Variants in MPP4 observed in about 807,000 individuals in gnomAD.
MPP4 encodes MAGUK p55 subfamily member 4.
In MPP4, 91 loss-of-function variants were observed where a neutral mutation model predicts 98.3. That is an observed-to-expected ratio of 0.93 (90% CI 0.78 to 1.10). The LOEUF (loss-of-function observed/expected upper bound fraction) is 1.10, where lower values mean the gene tolerates loss of function less well. MPP4 is among the 50% of genes least tolerant of loss of function. The pLI, the probability that MPP4 is intolerant of heterozygous loss-of-function variation, is 0.00. For missense variants in MPP4, 744 were observed against 792.9 expected, an observed-to-expected ratio of 0.94 and a Z score of 0.74; for synonymous variants, 261 against 271.8, an observed-to-expected ratio of 0.96 and a Z score of 0.39.
intron 16 of MPP4, among the ~76,000 whole-genome samples, chr2:201,657,590 G>GATTTTTTTTTTTTTTT (rs1687884189): frequency 1.1e-5 from 1 of 91,124 alleles, no homozygotes; most frequent in Non-Finnish European, 2.2e-5. Context: ...CCTGGCCCTT[G>GATTTTTTTTTTTTTTT]TTTTTTTTTT....
At position 201,644,986 on chromosome 2, in the gene MPP4, T is replaced by A. The variant is rs1217740783; in HGVS notation, c.*224A>T. 2 of 357,218 alleles carry A rather than the reference T, an allele frequency of 5.6e-6. No homozygotes were observed. Among genetic ancestry groups the A allele is most frequent in the Non-Finnish European group, 9.9e-6 (2 of 202,980 alleles). 22.1% of individuals were successfully genotyped at this position (357,218 alleles called of 1,614,324 possible). A position where few individuals can be genotyped will look rare whatever the true frequency, so the allele number is the denominator to read the frequency against. ...CTCAGTGACTTAACATTATTCATAT[T>A]TCTACCACAGCTGCATATGAGGTAA... is the stretch of plus-strand genomic sequence containing the variant. On this transcript the variant is annotated 3_prime_UTR_variant, in exon 22 of 22. Coordinates refer to ENST00000409474, the MANE Select transcript of MPP4 (RefSeq NM_033066.3).
At chr2:201,652,949 T>C (rs1459684130) in intron 18 of MPP4, among the ~76,000 whole-genome samples, 1 of 152,210 alleles carries the variant, frequency 6.6e-6, no homozygotes, top group Non-Finnish European at 1.5e-5. Flanking sequence ...TCCTAAATGA[T>C]ATATTGGGTT....
At chr2:201,672,263 T>A (rs1361776628) in intron 11 of MPP4, among the ~76,000 whole-genome samples, 1 of 152,140 alleles carries the variant, frequency 6.6e-6, no homozygotes, top group African/African-American at 2.4e-5. Flanking sequence ...AGAAGGAAAT[T>A]TAGAGCACTA....
intron 15 of MPP4, among the ~76,000 whole-genome samples, chr2:201,658,918 T>A (rs571150394): frequency 6.6e-6 from 1 of 152,136 alleles, no homozygotes; most frequent in Non-Finnish European, 1.5e-5. Flanking sequence ...CCTCCCTGCC[T>A]ACCCCCCTGC....
At position 201,682,130 on chromosome 2, in the gene MPP4, C is replaced by A. The variant is rs976143371; in HGVS notation, c.661-563G>T. 2.6e-5 allele frequency among the ~76,000 whole-genome samples: 4 copies of A among 152,140 alleles called. 1 individual carries two copies. The highest frequency in any genetic ancestry group is 3.9e-4 in the East Asian group (2 of 5,180). ...GGCATTAAACATCTAGAGATTAAGA[C>A]CCCGTTTGTACTCAGGAATTTCAAA... On this transcript the variant is annotated intron_variant, in intron 8 of 21. Transcript: ENST00000409474.
intron 2 of MPP4, 103 bp from the exon 3 acceptor site, chr2:201,693,132 A>G (rs1689086556): frequency 4.5e-6 from 6 of 1,334,806 alleles, no homozygotes; most frequent in Non-Finnish European, 6.1e-6. Flanking sequence ...CAGGAGTGGA[A>G]ATGACACTGG....
chr2:201,670,199 C>A (rs1382416081), intron 11 of MPP4, among the ~76,000 whole-genome samples: 1 of 152,178 alleles, frequency 6.6e-6, no homozygotes, highest in Admixed American at 6.5e-5. Context: ...TTTTAATAAT[C>A]ATCTGCAAAC....
chr2:201,660,974 G>A (rs1405304139), intron 14 of MPP4, among the ~76,000 whole-genome samples: 2 of 152,206 alleles, frequency 1.3e-5, no homozygotes, highest in Admixed American at 6.5e-5. Context: ...AGGCTGGAGT[G>A]CAATGGTGCT....
chr2:201,649,594 G>A lies in MPP4; in HGVS notation c.1566C>T (p.Val522=), dbSNP rs1223776822. The change falls in exon 20 of 22, where the codon GTC becomes GTT. Residue 522 remains valine (V), a synonymous_variant. Coordinates refer to ENST00000409474, the MANE Select transcript of MPP4 (RefSeq NM_033066.3). ...GACCCACCTGAGGCTCTAGGTCCAT[G>A]ACACAGATCTTTCCTTCGACAAGGA... The part of the protein sequence containing the change: ...QTVLVEGKIC[V]MDLEPQDIQG... 9 of 1,605,158 alleles carry A rather than the reference G, an allele frequency of 5.6e-6. No individual in the cohort carries two copies. The Admixed American group carries it at 1.5e-4, about 27-fold the overall frequency.
intron 13 of MPP4, among the ~76,000 whole-genome samples, chr2:201,664,759 A>G (rs1688125032): frequency 6.6e-6 from 1 of 152,252 alleles, no homozygotes; most frequent in South Asian, 2.1e-4. Flanking sequence ...ATTCTCATGC[A>G]TGTAAAATGA....
In MPP4 at chr2:201,675,194, T is replaced by C. The variant is rs1200102541; in HGVS notation, c.994+13A>G. On this transcript the variant is annotated intron_variant, in intron 11 of 21. Transcript: ENST00000409474. ...CAAACAGGAAGAACCTGTCGGGCAG[T>C]TGCAATACTCACATAGGGTTGACTT... is the stretch of plus-strand genomic sequence containing the variant. 6.2e-7 allele frequency: 1 copy of C among 1,602,742 alleles called. No individual in the cohort carries two copies. The highest frequency in any genetic ancestry group is 8.5e-7 in the Non-Finnish European group (1 of 1,174,700).
chr2:201,674,453 C>G (rs1012733481), intron 11 of MPP4, among the ~76,000 whole-genome samples: 6 of 152,258 alleles, frequency 3.9e-5, no homozygotes, highest in Admixed American at 3.3e-4. Context: ...AGGAAGCCAG[C>G]CCTGGAGGGA....
At position 201,690,254 on chromosome 2, in the gene MPP4, T is replaced by G. The variant is rs920647870; in HGVS notation, c.227A>C (p.Lys76Thr). 4 of 1,608,406 alleles carry G rather than the reference T, an allele frequency of 2.5e-6. No homozygotes were observed. In the African/African-American group the frequency reaches 4.0e-5, roughly 16 times the overall value. ...LKIYDCLQEF[K>T]EKKLVPATPH... ...TGTGGCAGGAACTAGTTTCTTTTCT[T>G]TAAATTCCTGGAGGCAGTCATAAAT... The change falls in exon 4 of 22, where the codon AAA becomes ACA. Residue 76 changes from lysine (K) to threonine (T), a missense_variant. Lys to Thr is a moderately conservative substitution (Grantham distance 78). Coordinates refer to ENST00000409474, the MANE Select transcript of MPP4 (RefSeq NM_033066.3).
Position 201,676,858 on chromosome 2 carries a change from C to A in MPP4, c.930-1587G>T, listed in dbSNP as rs551200526. Among the ~76,000 whole-genome samples, 12 of 152,296 alleles carry A rather than the reference C, an allele frequency of 7.9e-5. No individual in the cohort carries two copies. The East Asian group carries it at 2.3e-3, about 29-fold the overall frequency. ...AGGGCTGCAGTGAGCTGAGATCATG[C>A]CACTGCACTCCAGCCTGGTGACAGA... On this transcript the variant is annotated intron_variant, in intron 10 of 21. Transcript: ENST00000409474.
intron 1 of MPP4, chr2:201,698,169 AAACGTACTATTAAATGCCAC>A: frequency 1.3e-6 from 1 of 787,772 alleles, no homozygotes; most frequent in Non-Finnish European, 1.5e-6. Flanking sequence ...TAGCTTTTTA[AAACGTACTATTAAATGCCAC>A]AACCCCCTAC....
intron 12 of MPP4, among the ~76,000 whole-genome samples, chr2:201,667,472 A>T (rs1559009418): frequency 1.3e-5 from 2 of 152,270 alleles, no homozygotes; most frequent in Non-Finnish European, 2.9e-5. Flanking sequence ...TCTTGAAGAC[A>T]GGGACTGCCT....
intron 21 of MPP4, among the ~76,000 whole-genome samples, chr2:201,645,605 A>C (rs1456438627): frequency 6.6e-6 from 1 of 152,184 alleles, no homozygotes; most frequent in Non-Finnish European, 1.5e-5. Context: ...AGAAAATAGT[A>C]ATTTTTTTGC....
chr2:201,654,527 G>A (rs907888667), intron 18 of MPP4, among the ~76,000 whole-genome samples: 2 of 152,002 alleles, frequency 1.3e-5, no homozygotes, highest in African/African-American at 4.8e-5. Context: ...GCTAAATGAC[G>A]AGTTAATCGG....
chr2:201,666,178 G>A (rs1411126799), intron 13 of MPP4, 156 bp downstream of exon 13: 3 of 529,710 alleles, frequency 5.7e-6, no homozygotes, highest in Non-Finnish European at 6.6e-6. Context: ...CCTTCCAAGT[G>A]CCAGAACTAC....
Sources: gnomAD v4.1 joint callset for allele counts (sites outside exome capture counted in the v4.1 genomes callset) on GRCh38, gnomAD v4.1.1 for gene constraint, MANE v1.5 for transcripts, NCBI Gene and HGNC (gene_info 2026-07-23, HGNC 2026-07-21) for gene names.